Variants in DIPK1A observed in about 807,000 individuals in gnomAD.
DIPK1A encodes the protein family with sequence similarity 69 member A.
In DIPK1A, 27 loss-of-function variants were observed where a neutral mutation model predicts 40.8. The ratio of observed to expected loss-of-function variants is 0.66; its 90% confidence interval spans 0.49 to 0.91. The LOEUF (loss-of-function observed/expected upper bound fraction) is 0.91. DIPK1A is among the 40% of genes least tolerant of loss of function. DIPK1A has a pLI of 0.00. For missense variants in DIPK1A, 412 were observed against 505.7 expected, an observed-to-expected ratio of 0.81 and a Z score of 1.78; for synonymous variants, 166 against 171.3, an observed-to-expected ratio of 0.97 and a Z score of 0.24.
At chr1:92,834,481 G>C (rs1687039961) in intron 4 of DIPK1A, among the ~76,000 whole-genome samples, 1 of 152,144 alleles carries the variant, frequency 6.6e-6, no homozygotes, top group Non-Finnish European at 1.5e-5. Context: ...CAAATAGTTT[G>C]TTGATTGTGA....
intron 1 of DIPK1A, among the ~76,000 whole-genome samples, chr1:92,948,120 C>T (rs1277186450): frequency 2.0e-5 from 3 of 152,162 alleles, no homozygotes; most frequent in African/African-American, 7.2e-5. Context: ...CTGATTTGAT[C>T]ATTATACTTA....
chr1:92,871,416 C>T (rs1317048319), intron 2 of DIPK1A, among the ~76,000 whole-genome samples: 1 of 152,190 alleles, frequency 6.6e-6, no homozygotes, highest in Non-Finnish European at 1.5e-5. Context: ...CTGCCTGCCT[C>T]AGCTTCCCAA....
At chr1:92,876,875 T>G (rs913080664) in intron 1 of DIPK1A, 1 of 503,062 alleles carries the variant, frequency 2.0e-6, no homozygotes, top group Admixed American at 6.4e-5. Flanking sequence ...GAACAGAAAA[T>G]CTGGCTATTT....
At chr1:92,953,415 A>G (rs1226952886) in intron 1 of DIPK1A, among the ~76,000 whole-genome samples, 1 of 152,170 alleles carries the variant, frequency 6.6e-6, no homozygotes, top group Non-Finnish European at 1.5e-5. Context: ...TGGATATACA[A>G]AAAAATTGAA....
At chr1:92,956,636 T>C (rs1256887311) in intron 1 of DIPK1A, among the ~76,000 whole-genome samples, 3 of 152,342 alleles carry the variant, frequency 2.0e-5, no homozygotes, top group African/African-American at 7.2e-5. Context: ...AATTAATCTG[T>C]ATCAGTAACC....
rs1571161414 is a variant in DIPK1A, at chr1:92,961,247, A to C, written c.54+129T>G. 3.0e-5 allele frequency: 12 copies of C among 399,492 alleles called. No individual in the cohort carries two copies. The South Asian group carries it at 6.6e-4, about 22-fold the overall frequency. 24.7% of individuals were successfully genotyped at this position (399,492 alleles called of 1,614,324 possible). On this transcript the variant is annotated intron_variant, in intron 1 of 4. Transcript: ENST00000370310. ...GGCGCGCCGCCAGGTGCCGGACGGC[A>C]GGGGGCAGCGGGGTTCGGGCGGGCA... is the stretch of plus-strand genomic sequence containing the variant.
Position 92,944,091 on chromosome 1 carries a change from T to C in DIPK1A, c.54+17285A>G, listed in dbSNP as rs141855589. ...ACTTTTAAATTAAATATAAGATCCTTAGAGTTTAAAAAGTGGTTAGAAAAG... is the reference window on the plus strand; with the variant it reads ...ACTTTTAAATTAAATATAAGATCCTCAGAGTTTAAAAAGTGGTTAGAAAAG... On this transcript the variant is annotated intron_variant, in intron 1 of 4. Coordinates refer to ENST00000370310, the MANE Select transcript of DIPK1A (RefSeq NM_001006605.5). Among the ~76,000 whole-genome samples the C allele has an allele frequency of 2.3e-3, 350 of 152,114 alleles. 6 individuals are homozygous for C. Among genetic ancestry groups the C allele is most frequent in the African/African-American group, 7.8e-3 (324 of 41,510 alleles).
intron 1 of DIPK1A, among the ~76,000 whole-genome samples, chr1:92,958,245 C>T (rs1651926062): frequency 6.6e-6 from 1 of 152,080 alleles, no homozygotes; most frequent in Non-Finnish European, 1.5e-5. Context: ...TTTCCAAAAG[C>T]GTTACCAAAT....
chr1:92,960,632 C>A (rs1427884823), intron 1 of DIPK1A, among the ~76,000 whole-genome samples: 1 of 152,172 alleles, frequency 6.6e-6, no homozygotes, highest in South Asian at 2.1e-4. Flanking sequence ...AAAATTAACA[C>A]GCGAACCGTA....
chr1:92,916,125 G>C (rs1650044192), intron 1 of DIPK1A, among the ~76,000 whole-genome samples: 1 of 152,162 alleles, frequency 6.6e-6, no homozygotes, highest in Middle Eastern at 3.4e-3. Flanking sequence ...GAGCAATGGG[G>C]TATGATTGCT....
chr1:92,852,074 CA>C (rs1687842585), intron 2 of DIPK1A, among the ~76,000 whole-genome samples: 1 of 152,168 alleles, frequency 6.6e-6, no homozygotes, highest in African/African-American at 2.4e-5. Context: ...GCTTCCCGCA[CA>C]TGGCTGGCTG....
chr1:92,918,968 G>A (rs1417631998), intron 1 of DIPK1A, among the ~76,000 whole-genome samples: 2 of 152,162 alleles, frequency 1.3e-5, no homozygotes. Flanking sequence ...CAGTAATGCT[G>A]CTGGCCCACC....
intron 1 of DIPK1A, among the ~76,000 whole-genome samples, chr1:92,893,415 G>A (rs886155837): frequency 2.6e-5 from 4 of 151,734 alleles, no homozygotes; most frequent in East Asian, 1.9e-4. Context: ...CTTCATAAGT[G>A]AAGGAGAAAT....
intron 1 of DIPK1A, among the ~76,000 whole-genome samples, chr1:92,882,199 C>T (rs1286475276): frequency 1.3e-5 from 2 of 152,140 alleles, no homozygotes; most frequent in East Asian, 3.8e-4. Context: ...GCCAGCCTGG[C>T]CAACATGGTG....
chr1:92,935,188 C>T (rs757885507), intron 1 of DIPK1A, among the ~76,000 whole-genome samples: 11 of 152,128 alleles, frequency 7.2e-5, no homozygotes, highest in Non-Finnish European at 1.5e-4. Context: ...TCAATATTTC[C>T]ACCTCTCTAT....
intron 2 of DIPK1A, among the ~76,000 whole-genome samples, chr1:92,875,951 G>A (rs1378271884): frequency 1.3e-5 from 2 of 151,238 alleles, no homozygotes; most frequent in African/African-American, 2.4e-5. Flanking sequence ...AAGTCTGCCT[G>A]TAAATACGCT....
chr1:92,927,729 G>A (rs1650577529), intron 1 of DIPK1A, among the ~76,000 whole-genome samples: 1 of 152,066 alleles, frequency 6.6e-6, no homozygotes, highest in Non-Finnish European at 1.5e-5. Flanking sequence ...GGTCTTCTGT[G>A]ACTGGCTTTT....
At chr1:92,852,986 G>A (rs1341923034) in intron 2 of DIPK1A, among the ~76,000 whole-genome samples, 1 of 152,122 alleles carries the variant, frequency 6.6e-6, no homozygotes, top group Non-Finnish European at 1.5e-5. Context: ...AGGTTGCAGT[G>A]AGCCAAGATC....
At chr1:92,931,599 T>C (rs1206330244) in intron 1 of DIPK1A, 2 of 155,298 alleles carry the variant, frequency 1.3e-5, no homozygotes, top group Non-Finnish European at 1.4e-5. Context: ...AGAGGACTGC[T>C]CCCAAAGAGA....
Sources: gnomAD v4.1 joint callset for allele counts (sites outside exome capture counted in the v4.1 genomes callset) on GRCh38, gnomAD v4.1.1 for gene constraint, MANE v1.5 for transcripts, NCBI Gene and HGNC (gene_info 2026-07-23, HGNC 2026-07-21) for gene names.